The following RBFOX1 variants were observed in gnomAD, a reference collection of about 807,000 sequenced individuals.
The protein encoded by RBFOX1 is RNA binding fox-1 homolog 1, also known as RNA binding protein fox-1 homolog 1.
In RBFOX1, 8 loss-of-function variants were observed where a neutral mutation model predicts 57.7. The observed-to-expected ratio is 0.14, with a 90% CI of 0.08 to 0.25. RBFOX1 has a LOEUF of 0.25. RBFOX1 is among the 10% of genes least tolerant of loss of function. The probability of loss-of-function intolerance (pLI) is 1.00; values close to 1 mark genes in which losing one functional copy is unlikely to be tolerated. For missense variants in RBFOX1, 611 were observed against 548.5 expected (o/e 1.11, Z -1.14); for synonymous variants, 326 against 222.4 (o/e 1.47, Z -4.15).
At chr16:6,125,464 C>T (rs1309175514) in intron 1 of RBFOX1, among the ~76,000 whole-genome samples, 1 of 152,156 alleles carries the variant, frequency 6.6e-6, no homozygotes, top group Non-Finnish European at 1.5e-5. Context: ...CAAGAGTCAG[C>T]CTCATACACA....
At chr16:5,935,939 C>T (rs570586934) in intron 4 of RBFOX1, among the ~76,000 whole-genome samples, 1 of 152,282 alleles carries the variant, frequency 6.6e-6, no homozygotes, top group African/African-American at 2.4e-5. Context: ...AACCAGCCTC[C>T]CCTGGAGGCC....
intron 4 of RBFOX1, among the ~76,000 whole-genome samples, chr16:7,410,311 T>A (rs2098410969): frequency 6.6e-6 from 1 of 152,146 alleles, no homozygotes; most frequent in Admixed American, 6.5e-5. Flanking sequence ...ACTTGACAAA[T>A]AAGGATGCTG....
rs111885248 is a variant in RBFOX1 at position 7,093,194 on chromosome 16, G to T, written c.27+41096G>T. Among the ~76,000 whole-genome samples the T allele has an allele frequency of 1.4e-3, 219 of 152,250 alleles. 2 individuals are homozygous for T. The highest frequency in any genetic ancestry group is 5.1e-3 in the African/African-American group (210 of 41,560). On this transcript the variant is annotated intron_variant, in intron 4 of 15. Transcript: ENST00000550418. Reference sequence around the variant, plus strand: ...GGCAAGTTCATTCAGCACCCATACTGGTCACCGTGTATCTCAGTTAGGGGG... The same window carrying T: ...GGCAAGTTCATTCAGCACCCATACTTGTCACCGTGTATCTCAGTTAGGGGG...
intron 1 of RBFOX1, among the ~76,000 whole-genome samples, chr16:6,166,767 G>GT (rs1013105877): frequency 1.3e-5 from 2 of 151,930 alleles, no homozygotes; most frequent in African/African-American, 4.8e-5. Context: ...GCCCCGTGGG[G>GT]TTTTTGTTTT....
At chr16:6,042,591 A>G (rs1028199564) in intron 1 of RBFOX1, among the ~76,000 whole-genome samples, 1 of 152,194 alleles carries the variant, frequency 6.6e-6, no homozygotes, top group African/African-American at 2.4e-5. Flanking sequence ...TGTTGATTAA[A>G]AAAAGAAACT....
At chr16:7,316,154 G>A (rs1027603900) in intron 4 of RBFOX1, among the ~76,000 whole-genome samples, 1 of 152,130 alleles carries the variant, frequency 6.6e-6, no homozygotes, top group Non-Finnish European at 1.5e-5. Context: ...TTATATGAGG[G>A]ATGGATCCTC....
intron 3 of RBFOX1, among the ~76,000 whole-genome samples, chr16:5,851,673 C>G (rs754205703): frequency 2.0e-5 from 3 of 152,220 alleles, no homozygotes; most frequent in Non-Finnish European, 4.4e-5. Flanking sequence ...TCTGTGCTAT[C>G]AAAGGTTCTG....
intron 4 of RBFOX1, among the ~76,000 whole-genome samples, chr16:5,989,849 C>CAA (rs1294306362): frequency 1.0e-5 from 1 of 99,190 alleles, no homozygotes; most frequent in African/African-American, 3.8e-5. Context: ...CCCTAACACA[C>CAA]ACACACACAC....
At chr16:6,681,695 C>G (rs978002727) in intron 3 of RBFOX1, among the ~76,000 whole-genome samples, 1 of 151,272 alleles carries the variant, frequency 6.6e-6, no homozygotes, top group African/African-American at 2.4e-5. Context: ...AAATCTTTCT[C>G]CAATGAGTAA....
intron 1 of RBFOX1, among the ~76,000 whole-genome samples, chr16:6,045,938 G>C (rs777062102): frequency 3.3e-5 from 5 of 152,206 alleles, no homozygotes; most frequent in Non-Finnish European, 7.3e-5. Context: ...TGATTTATTG[G>C]GGAACAGAGA....
chr16:5,386,759 A>G (rs2066269932), intron 1 of RBFOX1, among the ~76,000 whole-genome samples: 1 of 152,158 alleles, frequency 6.6e-6, no homozygotes, highest in Non-Finnish European at 1.5e-5. Flanking sequence ...ACTTCTAAGA[A>G]CGTACTTTGG....
intron 3 of RBFOX1, among the ~76,000 whole-genome samples, chr16:5,682,066 A>G (rs1319827956): frequency 6.6e-6 from 1 of 152,198 alleles, no homozygotes; most frequent in Non-Finnish European, 1.5e-5. Context: ...TGGGGCTGTG[A>G]TACATTCACT....
intron 1 of RBFOX1, chr16:5,270,533 A>T: frequency 1.6e-6 from 1 of 616,328 alleles, no homozygotes; most frequent in Non-Finnish European, 3.0e-6. Flanking sequence ...TTCAACAATG[A>T]TTGAAACTCA....
At chr16:6,182,987 G>A (rs1451981542) in intron 1 of RBFOX1, among the ~76,000 whole-genome samples, 1 of 152,114 alleles carries the variant, frequency 6.6e-6, no homozygotes. Flanking sequence ...ACCCAGAAAT[G>A]TCAGATCATA....
intron 1 of RBFOX1, among the ~76,000 whole-genome samples, chr16:6,166,577 C>T (rs750295376): frequency 6.6e-6 from 1 of 152,130 alleles, no homozygotes; most frequent in Non-Finnish European, 1.5e-5. Context: ...ACCTGAGACT[C>T]CAAACCTCTG....
chr16:7,369,229 C>T (rs1440398308), intron 4 of RBFOX1, among the ~76,000 whole-genome samples: 1 of 151,896 alleles, frequency 6.6e-6, no homozygotes, highest in Non-Finnish European at 1.5e-5. Flanking sequence ...AAAGCAAACA[C>T]ACCCAAACAA....
chr16:7,456,302 C>T (rs1598860520), intron 4 of RBFOX1, among the ~76,000 whole-genome samples: 1 of 152,206 alleles, frequency 6.6e-6, no homozygotes, highest in Non-Finnish European at 1.5e-5. Flanking sequence ...GTACCTGGTT[C>T]ATTCTTCAAG....
chr16:7,090,561 T>C (rs2060660622), intron 4 of RBFOX1, among the ~76,000 whole-genome samples: 1 of 152,230 alleles, frequency 6.6e-6, no homozygotes, highest in Non-Finnish European at 1.5e-5. Flanking sequence ...TTTGGTGTCA[T>C]CTCAGATTTA....
chr16:7,420,248 A>G (rs928865132), intron 4 of RBFOX1, among the ~76,000 whole-genome samples: 9 of 152,132 alleles, frequency 5.9e-5, no homozygotes, highest in Non-Finnish European at 1.3e-4. Flanking sequence ...CAGATTGTAA[A>G]TAGCCTCTCG....
Sources: gnomAD v4.1 joint callset for allele counts (sites outside exome capture counted in the v4.1 genomes callset) on GRCh38, gnomAD v4.1.1 for gene constraint, MANE v1.5 for transcripts, NCBI Gene and HGNC (gene_info 2026-07-23, HGNC 2026-07-21) for gene names.